The following CPS1 variants were observed in gnomAD, a reference collection of about 807,000 sequenced individuals.
CPS1 encodes the protein carbamoyl-phosphate synthase 1.
A neutral mutation model predicts 174.6 loss-of-function variants in CPS1; 109 were observed. That is an observed-to-expected ratio of 0.62 (90% confidence interval 0.53 to 0.73). CPS1 has a LOEUF of 0.73. CPS1 is among the 30% of genes least tolerant of loss of function. The pLI, the probability that CPS1 is intolerant of heterozygous loss-of-function variation, is 0.00. For missense variants in CPS1, 1,689 were observed against 1,821.9 expected (o/e 0.93, Z 1.33); for synonymous variants, 637 against 632.0 (o/e 1.01, Z -0.12).
intron 33 of CPS1, among the ~76,000 whole-genome samples, chr2:210,666,979 T>C (rs141509595): frequency 0.052 from 7,977 of 152,308 alleles, 247 homozygotes; most frequent in Middle Eastern, 0.085. Flanking sequence ...TTCTTCCATT[T>C]GCTTGTATCC....
chr2:210,576,537 T>A (rs1574544093), intron 3 of CPS1, 47 bp downstream of exon 3: 5 of 1,607,548 alleles, frequency 3.1e-6, no homozygotes, highest in Non-Finnish European at 4.3e-6. Context: ...TGAGGGAGTA[T>A]AGTTGACTTA....
intron 1 of CPS1, among the ~76,000 whole-genome samples, chr2:210,535,602 C>CTTTTT (rs1319250883): frequency 1.3e-5 from 2 of 152,084 alleles, no homozygotes. Context: ...AAGATCAAAG[C>CTTTTT]TGATGAATGA....
chr2:210,633,661 A>G (rs1277156825), intron 21 of CPS1, among the ~76,000 whole-genome samples: 1 of 152,222 alleles, frequency 6.6e-6, no homozygotes, highest in African/African-American at 2.4e-5. Context: ...ACCATTATTT[A>G]TAATTTTCAT....
chr2:210,637,212 G>C (rs1293263689), intron 21 of CPS1, among the ~76,000 whole-genome samples: 1 of 152,098 alleles, frequency 6.6e-6, no homozygotes, highest in Non-Finnish European at 1.5e-5. Flanking sequence ...CGTGGGTAGG[G>C]GTAGGGGGAA....
chr2:210,482,503 C>T (rs1574456584), intron 1 of CPS1, among the ~76,000 whole-genome samples: 1 of 152,102 alleles, frequency 6.6e-6, no homozygotes, highest in Middle Eastern at 3.4e-3. Context: ...AGGGTTTCAC[C>T]ATGTACCCCA....
chr2:210,654,121 TCTC>T lies in CPS1; in HGVS notation c.3558+22_3558+24del, dbSNP rs766943806. The T allele has an allele frequency of 1.3e-6, 2 of 1,599,476 alleles. No homozygotes were observed. Among genetic ancestry groups the T allele is most frequent in the South Asian group, 2.2e-5 (2 of 90,810 alleles). On this transcript the variant is annotated intron_variant, in intron 29 of 37. Coordinates refer to ENST00000233072, the MANE Select transcript of CPS1 (RefSeq NM_001875.5). ...TGGAAGGGTAAGTGCTTTATTCTCA[TCTC>T]CTTCATTCCTGCCTTCTCATCATTT...
At chr2:210,525,180 G>A (rs1413472958) in intron 1 of CPS1, among the ~76,000 whole-genome samples, 2 of 151,716 alleles carry the variant, frequency 1.3e-5, no homozygotes, top group African/African-American at 4.8e-5. Flanking sequence ...GGTATGGCTG[G>A]GTATCCCTGA....
At chr2:210,531,364 T>C (rs1006501293) in intron 1 of CPS1, among the ~76,000 whole-genome samples, 11 of 152,168 alleles carry the variant, frequency 7.2e-5, no homozygotes, top group Non-Finnish European at 1.2e-4. Flanking sequence ...GGTCTCTCAA[T>C]TGTCAAGTGA....
At chr2:210,593,409 G>A in intron 11 of CPS1, 1 of 1,061,232 alleles carries the variant, frequency 9.4e-7, no homozygotes, top group Non-Finnish European at 1.1e-6. Context: ...GGTGTTGGAG[G>A]GGAGAGAGGG....
chr2:210,483,141 A>G (rs1276457295), intron 1 of CPS1, among the ~76,000 whole-genome samples: 3 of 152,174 alleles, frequency 2.0e-5, no homozygotes, highest in Admixed American at 6.5e-5. Context: ...ATAAAGATCT[A>G]TACCTTTAAG....
intron 12 of CPS1, among the ~76,000 whole-genome samples, chr2:210,594,922 A>G (rs1296241582): frequency 1.3e-5 from 2 of 151,954 alleles, no homozygotes; most frequent in African/African-American, 2.4e-5. Flanking sequence ...CTATGTAAAC[A>G]TGAGATACAT....
intron 33 of CPS1, among the ~76,000 whole-genome samples, chr2:210,666,545 G>A (rs1307384979): frequency 3.9e-5 from 6 of 152,212 alleles, no homozygotes; most frequent in African/African-American, 1.4e-4. Flanking sequence ...TTCTACGTAT[G>A]GTTAGCCAGT....
At position 210,576,506 on chromosome 2, in the gene CPS1, G is replaced by A; in HGVS notation, c.381+16G>A. The A allele has an allele frequency of 6.2e-7, 1 of 1,613,094 alleles. No individual in the cohort carries two copies. Among genetic ancestry groups the A allele is most frequent in the Non-Finnish European group, 8.5e-7 (1 of 1,179,266 alleles). ...TGGAATCAAGGTAGTACCAGTGGTG[G>A]CCATTTAAAAAGTCTCAATTTGAGG... On this transcript the variant is annotated intron_variant, in intron 3 of 37. Coordinates refer to ENST00000233072, the MANE Select transcript of CPS1 (RefSeq NM_001875.5).
intron 2 of CPS1, among the ~76,000 whole-genome samples, 176 bp from the exon 3 acceptor site, chr2:210,576,170 G>A (rs1270703259): frequency 2.6e-5 from 4 of 152,004 alleles, no homozygotes; most frequent in African/African-American, 7.2e-5. Context: ...CAATGACATC[G>A]TGGTATAAAT....
intron 24 of CPS1, 126 bp from the exon 25 acceptor site, chr2:210,642,358 T>C: frequency 2.6e-6 from 3 of 1,173,100 alleles, no homozygotes; most frequent in Non-Finnish European, 3.8e-6. Context: ...TCTTGGAGTT[T>C]AAAAAATTGA....
chr2:210,613,472 GAA>G (rs1355690353), intron 20 of CPS1, among the ~76,000 whole-genome samples: 2 of 151,704 alleles, frequency 1.3e-5, no homozygotes, highest in Non-Finnish European at 2.9e-5. Flanking sequence ...GCAGTGATAA[GAA>G]GTTATTTTAG....
Position 210,621,072 on chromosome 2 carries a change from C to T in CPS1, c.2687+4531C>T, listed in dbSNP as rs76320944. ...GCTTCAGCCAAAAAAAGATCTCTTT[C>T]CTGTTTACGCTCACTGACTTTCTCC... On this transcript the variant is annotated intron_variant, in intron 21 of 37. Coordinates refer to ENST00000233072, the MANE Select transcript of CPS1 (RefSeq NM_001875.5). Among the ~76,000 whole-genome samples the T allele has an allele frequency of 9.5e-4, 145 of 152,190 alleles. 3 individuals are homozygous for T. In the East Asian group the frequency reaches 0.023, roughly 24 times the overall value.
At chr2:210,496,203 CA>C (rs1431962147) in intron 1 of CPS1, among the ~76,000 whole-genome samples, 1 of 152,100 alleles carries the variant, frequency 6.6e-6, no homozygotes, top group Non-Finnish European at 1.5e-5. Context: ...GTGATTTGCA[CA>C]AGAGAATGCT....
intron 1 of CPS1, among the ~76,000 whole-genome samples, chr2:210,479,364 C>T (rs35003355): frequency 7.0e-6 from 1 of 143,618 alleles, no homozygotes; most frequent in Non-Finnish European, 1.5e-5. Context: ...GAGTCTCGCT[C>T]TGTTGCCAGG....
Sources: gnomAD v4.1 joint callset for allele counts (sites outside exome capture counted in the v4.1 genomes callset) on GRCh38, gnomAD v4.1.1 for gene constraint, MANE v1.5 for transcripts, NCBI Gene and HGNC (gene_info 2026-07-23, HGNC 2026-07-21) for gene names.